The following ZNF536 variants were observed in gnomAD, a reference collection of about 807,000 sequenced individuals.
ZNF536 encodes the protein zinc finger protein 536.
ZNF536 carries 13 observed loss-of-function variants against 84.5 expected under a neutral mutation model. The ratio of observed to expected loss-of-function variants is 0.15; its 90% CI spans 0.10 to 0.24. The LOEUF is 0.24. Ranked by LOEUF, ZNF536 falls within the 10% of genes least tolerant of loss-of-function variation. The probability of loss-of-function intolerance (pLI) is 1.00; values close to 1 mark genes in which losing one functional copy is unlikely to be tolerated. For synonymous variants in ZNF536, 811 were observed against 742.5 expected (o/e 1.09, Z -1.50); for missense variants, 1,536 against 1,747.5 (o/e 0.88, Z 2.16).
At chr19:30,443,426 GT>G (rs1400119154) in intron 1 of ZNF536, 134 bp from the exon 2 acceptor site, 2 of 1,306,468 alleles carry the variant, frequency 1.5e-6, no homozygotes, top group Non-Finnish European at 2.0e-6. Context: ...TTTTATTATT[GT>G]TTTTGACAAG....
At chr19:30,346,631 T>A (rs1832721477) in intron 2 of ZNF536, among the ~76,000 whole-genome samples, 1 of 152,274 alleles carries the variant, frequency 6.6e-6, no homozygotes, top group Non-Finnish European at 1.5e-5. Context: ...TTGCTAAGGA[T>A]AATGGCTTCC....
At chr19:30,567,388 C>A (rs979118992) in intron 1 of ZNF536, among the ~76,000 whole-genome samples, 1 of 152,222 alleles carries the variant, frequency 6.6e-6, no homozygotes, top group African/African-American at 2.4e-5. Flanking sequence ...AGCTCTCCTC[C>A]TATCCCCTCA....
chr19:30,455,705 AG>A (rs1449858064), intron 2 of ZNF536, among the ~76,000 whole-genome samples: 1 of 152,216 alleles, frequency 6.6e-6, no homozygotes, highest in African/African-American at 2.4e-5. Flanking sequence ...TGTCTCAAAA[AG>A]TATTATCTTT....
intron 1 of ZNF536, among the ~76,000 whole-genome samples, chr19:30,628,908 T>G (rs766934024): frequency 6.6e-6 from 1 of 152,206 alleles, no homozygotes; most frequent in Admixed American, 6.5e-5. Flanking sequence ...TTTCACCACA[T>G]AGGCCAGGCT....
intron 1 of ZNF536, among the ~76,000 whole-genome samples, chr19:30,679,303 AT>A (rs1429130270): frequency 6.6e-6 from 1 of 152,202 alleles, no homozygotes; most frequent in Non-Finnish European, 1.5e-5. Context: ...TCAGAGAGCA[AT>A]TTTGGAGCCC....
At chr19:30,492,300 A>G (rs1165650287) in intron 2 of ZNF536, among the ~76,000 whole-genome samples, 1 of 152,166 alleles carries the variant, frequency 6.6e-6, no homozygotes, top group Non-Finnish European at 1.5e-5. Context: ...ATGCATGCCA[A>G]CAAGTTTTTC....
chr19:30,349,686 C>T (rs1174446574), intron 2 of ZNF536, among the ~76,000 whole-genome samples: 1 of 152,032 alleles, frequency 6.6e-6, no homozygotes, highest in Non-Finnish European at 1.5e-5. Flanking sequence ...CAGCCCTCGA[C>T]CCTGCCCTCA....
At chr19:30,322,353 C>T (rs1371273804) in intron 2 of ZNF536, among the ~76,000 whole-genome samples, 4 of 151,954 alleles carry the variant, frequency 2.6e-5, no homozygotes, top group Non-Finnish European at 5.9e-5. Flanking sequence ...CAATTTTTCC[C>T]CCTCATTTTG....
intron 1 of ZNF536, among the ~76,000 whole-genome samples, chr19:30,678,098 G>A (rs2050821396): frequency 6.6e-6 from 1 of 152,152 alleles, no homozygotes; most frequent in African/African-American, 2.4e-5. Flanking sequence ...TGAGAAATTA[G>A]ACTGCAAAGG....
chr19:30,592,584 C>T (rs533711706), intron 1 of ZNF536, among the ~76,000 whole-genome samples: 10 of 152,182 alleles, frequency 6.6e-5, no homozygotes, highest in African/African-American at 1.7e-4. Flanking sequence ...CTGAACAAGA[C>T]GTGGTCACAG....
chr19:30,514,968 C>A lies in ZNF536; in HGVS notation c.2171-19879C>A, dbSNP rs558253083. 2.6e-5 allele frequency among the ~76,000 whole-genome samples: 4 copies of A among 152,208 alleles called. No homozygotes were observed. In the South Asian group the frequency reaches 6.2e-4, roughly 24 times the overall value. ...CATTGGAGATAATAAAACTCTGTGG[C>A]CCAGCGTGGTGGCTCACACCTGTAA... On this transcript the variant is annotated intron_variant, in intron 2 of 4. Coordinates refer to ENST00000355537, the MANE Select transcript of ZNF536 (RefSeq NM_014717.3).
chr19:30,467,696 C>A (rs1318443722), intron 2 of ZNF536, among the ~76,000 whole-genome samples: 1 of 152,214 alleles, frequency 6.6e-6, no homozygotes, highest in Non-Finnish European at 1.5e-5. Context: ...GCCAGCGGGA[C>A]CTCTTTCTGC....
At chr19:30,607,910 T>C (rs1306726517) in intron 1 of ZNF536, among the ~76,000 whole-genome samples, 2 of 152,192 alleles carry the variant, frequency 1.3e-5, no homozygotes, top group Admixed American at 6.5e-5. Context: ...TGTAGAAGTA[T>C]TGACTTTAGT....
intron 2 of ZNF536, among the ~76,000 whole-genome samples, chr19:30,451,603 T>C (rs2052611062): frequency 6.6e-6 from 1 of 152,208 alleles, no homozygotes; most frequent in Non-Finnish European, 1.5e-5. Flanking sequence ...ATGTGTGGCA[T>C]AAAATTGCAG....
At chr19:30,359,726 G>T (rs1394939077) in intron 3 of ZNF536, among the ~76,000 whole-genome samples, 1 of 152,178 alleles carries the variant, frequency 6.6e-6, no homozygotes, top group Non-Finnish European at 1.5e-5. Context: ...GGCTGCTTGG[G>T]AAAACACTTC....
intron 1 of ZNF536, among the ~76,000 whole-genome samples, chr19:30,599,364 C>G: frequency 1.4e-5 from 2 of 139,316 alleles, no homozygotes; most frequent in African/African-American, 2.7e-5. Context: ...CCTTCCCTCC[C>G]TTCCTCCTCC....
intron 2 of ZNF536, among the ~76,000 whole-genome samples, chr19:30,500,754 A>T (rs1260605479): frequency 6.6e-6 from 1 of 152,254 alleles, no homozygotes; most frequent in Non-Finnish European, 1.5e-5. Flanking sequence ...TGTGGGATGG[A>T]CATGAGTCTT....
At chr19:30,255,808 C>G (rs887520751) in intron 1 of ZNF536, among the ~76,000 whole-genome samples, 1 of 152,110 alleles carries the variant, frequency 6.6e-6, no homozygotes, top group African/African-American at 2.4e-5. Context: ...GCATAGACCC[C>G]GTCATGGGAG....
At position 30,438,884 on chromosome 19, in the gene ZNF536, T is replaced by C. The variant is rs376119371; in HGVS notation, c.-2-4677T>C. Among the ~76,000 whole-genome samples the C allele has an allele frequency of 3.3e-5, 5 of 152,030 alleles. No individual in the cohort carries two copies. The South Asian group carries it at 8.3e-4, about 25-fold the overall frequency. ...TTAGTAGAGATGGGGCTTTGCCATG[T>C]TGCTTAGGGTGATCTCAAACTCCTG... On this transcript the variant is annotated intron_variant, in intron 1 of 4. Coordinates refer to ENST00000355537, the MANE Select transcript of ZNF536 (RefSeq NM_014717.3).
Sources: gnomAD v4.1 joint callset for allele counts (sites outside exome capture counted in the v4.1 genomes callset) on GRCh38, gnomAD v4.1.1 for gene constraint, MANE v1.5 for transcripts, NCBI Gene and HGNC (gene_info 2026-07-23, HGNC 2026-07-21) for gene names.